TTC34: variants seen among roughly 807,000 people sequenced by gnomAD.
The protein encoded by TTC34 is tetratricopeptide repeat domain 34, also known as tetratricopeptide repeat protein 34.
A neutral mutation model predicts 40.7 loss-of-function variants in TTC34; 44 were observed. The observed-to-expected ratio is 1.08, with a 90% CI of 0.85 to 1.39. TTC34 has a LOEUF of 1.39. TTC34 is among the 40% of genes most tolerant of loss of function. The pLI, the probability that TTC34 is intolerant of heterozygous loss-of-function variation, is 0.00. For synonymous variants in TTC34, 422 were observed against 398.6 expected, an observed-to-expected ratio of 1.06 and a Z score of -0.70; for missense variants, 884 against 838.0, an observed-to-expected ratio of 1.05 and a Z score of -0.68.
chr1:2,639,521 C>T (rs1404426638), exon 9 of TTC34: 1 of 152,630 alleles, frequency 6.6e-6, no homozygotes, highest in East Asian at 1.9e-4. Flanking sequence ...GCCTCAGTGC[C>T]GACTGGCCCA....
chr1:2,793,254 T>C (rs556817937), intron 2 of TTC34, among the ~76,000 whole-genome samples: 2 of 152,390 alleles, frequency 1.3e-5, no homozygotes, highest in South Asian at 4.1e-4. Context: ...CTCATTACTA[T>C]GATGCTGAAT....
intron 6 of TTC34, among the ~76,000 whole-genome samples, chr1:2,695,754 A>T: frequency 6.6e-6 from 1 of 150,822 alleles, no homozygotes; most frequent in Non-Finnish European, 1.5e-5. Context: ...CAGCACCCAC[A>T]CCCCCAGGTG....
intron 6 of TTC34, among the ~76,000 whole-genome samples, chr1:2,683,918 A>C (rs1163435210): frequency 6.8e-6 from 1 of 148,032 alleles, no homozygotes. Context: ...CCACACCTCC[A>C]GGTGAGCATC....
chr1:2,684,506 G>C (rs78205408), intron 6 of TTC34, among the ~76,000 whole-genome samples: 7 of 26,446 alleles, frequency 2.6e-4, no homozygotes, highest in Non-Finnish European at 4.8e-4. Flanking sequence ...GGCCTGGAAC[G>C]GCACCCACAC....
intron 6 of TTC34, among the ~76,000 whole-genome samples, chr1:2,675,584 C>A (rs1297552928): frequency 6.9e-5 from 10 of 144,130 alleles, no homozygotes; most frequent in Non-Finnish European, 1.2e-4. Context: ...CATCTGACGG[C>A]CTGGAACGGC....
chr1:2,683,418 A>C (rs1640169114), intron 6 of TTC34, among the ~76,000 whole-genome samples: 1 of 124,060 alleles, frequency 8.1e-6, no homozygotes, highest in Non-Finnish European at 1.7e-5. Context: ...GATAGCCTGG[A>C]ACACCACCCT....
intron 6 of TTC34, among the ~76,000 whole-genome samples, chr1:2,698,940 G>GTATCTGA (rs1640996632): frequency 1.2e-3 from 160 of 129,346 alleles, no homozygotes; most frequent in East Asian, 2.5e-3. Context: ...CCTCAGGTGA[G>GTATCTGA]CATCTGACAG....
intron 6 of TTC34, among the ~76,000 whole-genome samples, chr1:2,694,096 C>T (rs1364683020): frequency 2.7e-5 from 4 of 146,558 alleles, no homozygotes; most frequent in African/African-American, 7.6e-5. Flanking sequence ...CAGCCTGGAA[C>T]AGCACCCTGC....
intron 6 of TTC34, among the ~76,000 whole-genome samples, chr1:2,752,529 C>A (rs1641357485): frequency 3.1e-5 from 3 of 97,516 alleles, no homozygotes; most frequent in Admixed American, 1.0e-4. Flanking sequence ...GCAGCACCCA[C>A]ATCCCCAGGT....
chr1:2,781,591 G>T (rs1160855310), intron 6 of TTC34, among the ~76,000 whole-genome samples: 1 of 152,102 alleles, frequency 6.6e-6, no homozygotes, highest in Non-Finnish European at 1.5e-5. Context: ...AATCATCCTT[G>T]CCTTGTTCCT....
intron 6 of TTC34, among the ~76,000 whole-genome samples, chr1:2,687,863 G>T (rs1640436536): frequency 6.6e-6 from 1 of 151,624 alleles, no homozygotes. Flanking sequence ...TTGAGCATCT[G>T]ACAGCCTGGA....
chr1:2,648,925 T>C (rs1480645167), intron 6 of TTC34, among the ~76,000 whole-genome samples: 8 of 110,916 alleles, frequency 7.2e-5, no homozygotes, highest in South Asian at 3.0e-4. Flanking sequence ...CCCACACACC[T>C]AGGGGAGCAT....
At chr1:2,768,240 T>G (rs1641851541) in intron 6 of TTC34, among the ~76,000 whole-genome samples, 1 of 151,188 alleles carries the variant, frequency 6.6e-6, no homozygotes, top group Non-Finnish European at 1.5e-5. Flanking sequence ...AGGTTGGGAG[T>G]GCCATTCCAG....
chr1:2,673,384 C>G (rs1359895290), intron 6 of TTC34, among the ~76,000 whole-genome samples: 1 of 69,610 alleles, frequency 1.4e-5, no homozygotes. Context: ...GGGCCTGGGT[C>G]GGCACCCACA....
chr1:2,799,543 CAAA>C (rs915116071), intron 2 of TTC34, among the ~76,000 whole-genome samples: 1 of 146,628 alleles, frequency 6.8e-6, no homozygotes, highest in African/African-American at 2.5e-5. Flanking sequence ...AACTCCATCT[CAAA>C]AAAAAAAATG....
At chr1:2,756,865 ACC>A (rs1641524077) in intron 6 of TTC34, among the ~76,000 whole-genome samples, 1 of 150,576 alleles carries the variant, frequency 6.6e-6, no homozygotes, top group African/African-American at 2.5e-5. Flanking sequence ...CGGCACCCAC[ACC>A]TCCAGGTGAG....
intron 6 of TTC34, among the ~76,000 whole-genome samples, chr1:2,695,755 C>A (rs79342985): frequency 2.0e-5 from 3 of 151,664 alleles, no homozygotes; most frequent in South Asian, 2.1e-4. Flanking sequence ...AGCACCCACA[C>A]CCCCAGGTGA....
chr1:2,748,505 G>C (rs1461975261), intron 6 of TTC34, among the ~76,000 whole-genome samples: 67 of 138,196 alleles, frequency 4.8e-4, no homozygotes, highest in African/African-American at 1.3e-3. Flanking sequence ...CCGATAGCCT[G>C]GAGCAGCACC....
Position 2,687,971 on chromosome 1 carries a change from A to T in TTC34, c.2227-42408T>A, listed in dbSNP as rs556459114. Among the ~76,000 whole-genome samples the T allele has an allele frequency of 1.6e-4, 23 of 146,536 alleles. No homozygotes were observed. In the East Asian group the frequency reaches 4.9e-3, roughly 31 times the overall value. ...AGCCTGGAACAGCACGCGCACCCCC[A>T]GGAGAGCATCTGACAGCCTGGAACA... On this transcript the variant is annotated intron_variant, in intron 6 of 8. Coordinates refer to ENST00000401095, the Ensembl canonical transcript of TTC34.
Sources: gnomAD v4.1 joint callset for allele counts (sites outside exome capture counted in the v4.1 genomes callset) on GRCh38, gnomAD v4.1.1 for gene constraint, MANE v1.5 for transcripts, NCBI Gene and HGNC (gene_info 2026-07-23, HGNC 2026-07-21) for gene names.